The following WWOX variants were observed in gnomAD, a reference collection of about 807,000 sequenced individuals.
The protein encoded by WWOX is WW domain-containing oxidoreductase.
In WWOX, 69 loss-of-function variants were observed where a neutral mutation model predicts 46.2. The ratio of observed to expected loss-of-function variants is 1.49; its 90% CI spans 1.23 to 1.82. WWOX has a LOEUF of 1.82. Among genes scored for constraint, WWOX ranks in the 40% most tolerant of loss-of-function variants. WWOX has a pLI of 0.00. For missense variants in WWOX, 919 were observed against 542.6 expected (o/e 1.69, Z -6.89); for synonymous variants, 359 against 202.6 (o/e 1.77, Z -6.56).
At chr16:78,754,114 G>C (rs58947114) in intron 8 of WWOX, among the ~76,000 whole-genome samples, 2 of 151,998 alleles carry the variant, frequency 1.3e-5, no homozygotes, top group African/African-American at 4.8e-5. Context: ...ATTATAAATG[G>C]ATTCCGCCAG....
intron 8 of WWOX, among the ~76,000 whole-genome samples, chr16:78,623,459 C>G (rs144539135): frequency 6.6e-6 from 1 of 152,152 alleles, no homozygotes; most frequent in East Asian, 1.9e-4. Context: ...GCGGGCAGAT[C>G]ACCTGAGGTC....
At chr16:78,878,407 C>T (rs753317209) in intron 8 of WWOX, among the ~76,000 whole-genome samples, 1 of 152,188 alleles carries the variant, frequency 6.6e-6, no homozygotes, top group Non-Finnish European at 1.5e-5. Flanking sequence ...AAATTGACCT[C>T]TCTAAGCCTC....
intron 8 of WWOX, among the ~76,000 whole-genome samples, chr16:79,097,996 G>T (rs1217349698): frequency 1.3e-5 from 2 of 152,140 alleles, no homozygotes; most frequent in African/African-American, 2.4e-5. Context: ...CCATATCCCA[G>T]TGGCCCCAAA....
At chr16:78,507,460 A>G (rs1014036666) in intron 8 of WWOX, among the ~76,000 whole-genome samples, 1 of 152,234 alleles carries the variant, frequency 6.6e-6, no homozygotes, top group Non-Finnish European at 1.5e-5. Flanking sequence ...TTTCTGGGTA[A>G]CACTTTAGAA....
intron 8 of WWOX, among the ~76,000 whole-genome samples, chr16:79,075,536 C>A: frequency 7.4e-6 from 1 of 135,792 alleles, no homozygotes; most frequent in Admixed American, 8.3e-5. Flanking sequence ...GGCGATTTTT[C>A]CTTTCTCTCT....
In WWOX at chr16:78,674,305, GA is replaced by G. The variant is rs2047538308; in HGVS notation, c.1056+241556del. On this transcript the variant is annotated intron_variant, in intron 8 of 8. Coordinates refer to ENST00000566780, the MANE Select transcript of WWOX (RefSeq NM_016373.4). ...TTTTTTTTTTTTTTTCTTTTTTCGA[GA>G]AAGAGTTTTGCTCTTTTCCCCAGGC... Among the ~76,000 whole-genome samples the G allele has an allele frequency of 2.8e-5, 4 of 144,218 alleles. No homozygotes were observed. In the South Asian group the frequency reaches 8.8e-4, roughly 32 times the overall value. 94.6% of individuals were successfully genotyped at this position (144,218 alleles called of 152,430 possible). A position where few individuals can be genotyped will look rare whatever the true frequency, so the allele number is the denominator to read the frequency against.
intron 8 of WWOX, among the ~76,000 whole-genome samples, chr16:79,037,251 C>A (rs955468446): frequency 8.5e-5 from 13 of 152,192 alleles, no homozygotes; most frequent in African/African-American, 3.1e-4. Context: ...CTCGCTCCTG[C>A]TCCTGACTCT....
chr16:79,034,520 C>T (rs1464026461), intron 8 of WWOX, among the ~76,000 whole-genome samples: 1 of 152,162 alleles, frequency 6.6e-6, no homozygotes, highest in Non-Finnish European at 1.5e-5. Flanking sequence ...TATTTTGCCC[C>T]CTCACCGAAT....
At chr16:78,158,545 A>G (rs1469077805) in intron 4 of WWOX, among the ~76,000 whole-genome samples, 1 of 151,748 alleles carries the variant, frequency 6.6e-6, no homozygotes, top group Non-Finnish European at 1.5e-5. Context: ...AAATATACAG[A>G]ACTTTTTCAG....
At chr16:78,270,930 C>T (rs991047356) in intron 5 of WWOX, among the ~76,000 whole-genome samples, 2 of 152,140 alleles carry the variant, frequency 1.3e-5, no homozygotes, top group Non-Finnish European at 2.9e-5. Context: ...ATGTGTCAAC[C>T]CTTTCCTGTT....
chr16:78,461,660 T>C (rs1161397160), intron 8 of WWOX, among the ~76,000 whole-genome samples: 1 of 152,182 alleles, frequency 6.6e-6, no homozygotes, highest in Non-Finnish European at 1.5e-5. Context: ...CCCTCACAGG[T>C]CACGCCTGAA....
At chr16:78,185,235 C>T (rs973860292) in intron 5 of WWOX, among the ~76,000 whole-genome samples, 7 of 152,284 alleles carry the variant, frequency 4.6e-5, no homozygotes, top group East Asian at 1.9e-4. Flanking sequence ...TTTCTTTCCA[C>T]GGTCATGTCA....
At chr16:79,061,588 CAG>C (rs2048358452) in intron 8 of WWOX, among the ~76,000 whole-genome samples, 1 of 152,158 alleles carries the variant, frequency 6.6e-6, no homozygotes, top group South Asian at 2.1e-4. Context: ...GACACTGGGA[CAG>C]AGAACAGATC....
At chr16:78,791,117 A>G (rs912384596) in intron 8 of WWOX, among the ~76,000 whole-genome samples, 11 of 151,884 alleles carry the variant, frequency 7.2e-5, no homozygotes, top group African/African-American at 2.4e-4. Flanking sequence ...GGCAGGGAAG[A>G]AGGGGGTTGG....
At chr16:78,169,337 G>A (rs941651044) in intron 5 of WWOX, among the ~76,000 whole-genome samples, 2 of 152,072 alleles carry the variant, frequency 1.3e-5, no homozygotes, top group African/African-American at 2.4e-5. Flanking sequence ...CTGGGACAAC[G>A]ATAGGTGTGT....
intron 6 of WWOX, among the ~76,000 whole-genome samples, chr16:78,405,146 C>G (rs982098553): frequency 6.6e-6 from 1 of 152,076 alleles, no homozygotes; most frequent in African/African-American, 2.4e-5. Flanking sequence ...ATGACAAAAA[C>G]AAGAGTATTT....
chr16:78,542,635 C>T (rs1250027180), intron 8 of WWOX, among the ~76,000 whole-genome samples: 4 of 152,174 alleles, frequency 2.6e-5, no homozygotes, highest in Non-Finnish European at 5.9e-5. Context: ...TTGCGTAATG[C>T]ACCCAGCAGA....
chr16:79,071,468 A>AC (rs1448237627), intron 8 of WWOX, among the ~76,000 whole-genome samples: 2 of 152,060 alleles, frequency 1.3e-5, no homozygotes, highest in African/African-American at 4.8e-5. Context: ...AATTACCCAA[A>AC]CCAAGTTTCA....
At chr16:78,219,745 C>T (rs1004167751) in intron 5 of WWOX, among the ~76,000 whole-genome samples, 3 of 152,136 alleles carry the variant, frequency 2.0e-5, no homozygotes, top group Non-Finnish European at 4.4e-5. Flanking sequence ...ACAATAAAGA[C>T]CCCAAGAACT....
Sources: allele counts gnomAD v4.1 joint callset (sites outside exome capture counted in the v4.1 genomes callset), GRCh38; gene constraint gnomAD v4.1.1; transcripts MANE v1.5; gene names NCBI Gene and HGNC (gene_info 2026-07-23, HGNC 2026-07-21).